HTR4: variants seen among roughly 807,000 people sequenced by gnomAD.
HTR4 encodes 5-hydroxytryptamine (serotonin) receptor 4, G protein-coupled.
HTR4 carries 16 observed loss-of-function variants against 36.8 expected under a neutral mutation model. That is an observed-to-expected ratio of 0.43 (90% CI 0.29 to 0.66). The LOEUF is 0.66. HTR4 is among the 30% of genes least tolerant of loss of function. The pLI, the probability that HTR4 is intolerant of heterozygous loss-of-function variation, is 0.13. For missense variants in HTR4, 438 were observed against 490.9 expected, an observed-to-expected ratio of 0.89 and a Z score of 1.02; for synonymous variants, 189 against 185.1, an observed-to-expected ratio of 1.02 and a Z score of -0.17.
chr5:148,593,857 A>C (rs1050073667), intron 2 of HTR4, among the ~76,000 whole-genome samples: 1 of 152,158 alleles, frequency 6.6e-6, no homozygotes, highest in African/African-American at 2.4e-5. Context: ...CAAATGACCA[A>C]TGCTTCAACC....
intron 2 of HTR4, among the ~76,000 whole-genome samples, chr5:148,601,369 C>T (rs1482485137): frequency 1.3e-5 from 2 of 152,008 alleles, no homozygotes; most frequent in Admixed American, 6.6e-5. Flanking sequence ...ATCAGAGTCT[C>T]GAAGAAATAC....
chr5:148,642,554 A>G (rs1048442273), intron 1 of HTR4, among the ~76,000 whole-genome samples: 3 of 152,186 alleles, frequency 2.0e-5, no homozygotes, highest in Admixed American at 6.5e-5. Flanking sequence ...GCTATAACCT[A>G]CTACCCGCCA....
At chr5:148,629,081 A>T (rs1019314739) in intron 2 of HTR4, 1 of 152,180 alleles carries the variant, frequency 6.6e-6, no homozygotes, top group Non-Finnish European at 1.5e-5. Context: ...TATGTAAAAA[A>T]TCTCATTAAA....
Position 148,482,998 on chromosome 5 carries a change from A to G in HTR4, c.*205T>C. On this transcript the variant is annotated 3_prime_UTR_variant, in exon 7 of 7. Transcript: ENST00000377888. Reference sequence around the variant, plus strand: ...GAGTGTTGGGAAATAAAAAGTGAACAAGGAGGCCATTATGTCCCCTGACTC... The same window carrying G: ...GAGTGTTGGGAAATAAAAAGTGAACGAGGAGGCCATTATGTCCCCTGACTC... 1 of 1,429,330 alleles carries G rather than the reference A, an allele frequency of 7.0e-7. No homozygotes were observed. The highest frequency in any genetic ancestry group is 9.2e-7 in the Non-Finnish European group (1 of 1,089,254). The allele number at this position is 1,429,330 out of a possible 1,614,324, so 88.5% of individuals were successfully genotyped here.
chr5:148,593,056 G>A (rs4280857), intron 2 of HTR4, among the ~76,000 whole-genome samples: 5,471 of 152,156 alleles, frequency 0.036, 108 homozygotes, highest in Middle Eastern at 0.062. Context: ...CAATTATGTT[G>A]TAATCTCTCA....
chr5:148,573,607 A>C (rs953857262), intron 2 of HTR4, among the ~76,000 whole-genome samples: 4 of 152,074 alleles, frequency 2.6e-5, no homozygotes, highest in Non-Finnish European at 5.9e-5. Flanking sequence ...AGACTCACCC[A>C]ACTATAAGGA....
At position 148,623,865 on chromosome 5, in the gene HTR4, G is replaced by T. The variant is rs550539887; in HGVS notation, c.26+13124C>A. 1.6e-4 allele frequency among the ~76,000 whole-genome samples: 25 copies of T among 152,320 alleles called. No homozygotes were observed. The South Asian group carries it at 3.9e-3, about 24-fold the overall frequency. On this transcript the variant is annotated intron_variant, in intron 2 of 6. Transcript: ENST00000377888. ...CAGATTTCTGATTAGAGATGAGAAA[G>T]AATTCCTAGAGAATGAGTCAGTCAA...
At chr5:148,465,416 C>A (rs901402864) in intron 5 of HTR4, among the ~76,000 whole-genome samples, 6 of 152,044 alleles carry the variant, frequency 3.9e-5, no homozygotes, top group Admixed American at 6.6e-5. Flanking sequence ...CTTTAGAAAA[C>A]TTTTTTAAAA....
chr5:148,549,769 T>G (rs1229397060), intron 3 of HTR4, among the ~76,000 whole-genome samples: 1 of 140,894 alleles, frequency 7.1e-6, no homozygotes, highest in Non-Finnish European at 1.7e-5. Context: ...GAAGTAGAAG[T>G]GCAAAAAACA....
intron 1 of HTR4, among the ~76,000 whole-genome samples, chr5:148,648,728 T>C (rs1038065108): frequency 6.6e-6 from 1 of 152,078 alleles, no homozygotes; most frequent in Non-Finnish European, 1.5e-5. Context: ...GTGGCAACTA[T>C]GCTTCTGCTA....
chr5:148,514,689 T>G (rs373927861), intron 5 of HTR4, among the ~76,000 whole-genome samples: 1 of 152,166 alleles, frequency 6.6e-6, no homozygotes, highest in South Asian at 2.1e-4. Flanking sequence ...GCTATTTTAT[T>G]CCTGTACATA....
intron 2 of HTR4, among the ~76,000 whole-genome samples, chr5:148,587,985 C>T (rs1256844176): frequency 6.6e-6 from 1 of 152,194 alleles, no homozygotes; most frequent in Non-Finnish European, 1.5e-5. Flanking sequence ...ACTGACTGCC[C>T]TCAGTTTTCC....
intron 5 of HTR4, 26 bp downstream of exon 5, chr5:148,523,167 C>G: frequency 6.3e-7 from 1 of 1,595,574 alleles, no homozygotes; most frequent in Non-Finnish European, 8.6e-7. Context: ...AGACAGTAAA[C>G]CAGTGAGGTC....
intron 4 of HTR4, among the ~76,000 whole-genome samples, chr5:148,527,639 C>G (rs758153422): frequency 2.0e-5 from 3 of 152,008 alleles, no homozygotes; most frequent in African/African-American, 4.8e-5. Context: ...TAATTTGAAA[C>G]AGAATCCTGT....
chr5:148,457,378 G>A (rs1283378742), intron 5 of HTR4, among the ~76,000 whole-genome samples: 1 of 151,928 alleles, frequency 6.6e-6, no homozygotes, highest in East Asian at 1.9e-4. Flanking sequence ...AAACATGACG[G>A]GAGCCACATT....
At chr5:148,550,025 A>T in intron 3 of HTR4, 112 bp downstream of exon 3, 1 of 1,107,464 alleles carries the variant, frequency 9.0e-7, no homozygotes, top group African/African-American at 1.6e-5. Flanking sequence ...TGTTGTTCCC[A>T]TGAATGTTTT....
chr5:148,615,707 A>ATAAATAAAATAAAAT (rs773040493), intron 2 of HTR4, among the ~76,000 whole-genome samples: 168 of 117,298 alleles, frequency 1.4e-3, no homozygotes, highest in African/African-American at 4.5e-3. Flanking sequence ...AAAGAAAGAA[A>ATAAATAAAATAAAAT]GAAATAAAAT....
intron 4 of HTR4, among the ~76,000 whole-genome samples, chr5:148,528,529 C>A (rs923288383): frequency 7.1e-6 from 1 of 141,258 alleles, no homozygotes; most frequent in African/African-American, 2.5e-5. Context: ...CTCAAGAATG[C>A]AAATTAAGTA....
At chr5:148,585,477 G>T (rs1761310504) in intron 2 of HTR4, among the ~76,000 whole-genome samples, 1 of 152,158 alleles carries the variant, frequency 6.6e-6, no homozygotes, top group African/African-American at 2.4e-5. Context: ...CCAAATATAT[G>T]TTCAGAACCA....
Sources: allele counts gnomAD v4.1 joint callset (sites outside exome capture counted in the v4.1 genomes callset), GRCh38; gene constraint gnomAD v4.1.1; transcripts MANE v1.5; gene names NCBI Gene and HGNC (gene_info 2026-07-23, HGNC 2026-07-21).